The following SCAPER variants were observed in gnomAD, a reference collection of about 807,000 sequenced individuals.
SCAPER encodes S-phase cyclin A associated protein in the ER.
Under a neutral mutation model 182.2 loss-of-function variants are expected in SCAPER, and 98 were observed. The observed-to-expected ratio is 0.54, with a 90% confidence interval of 0.46 to 0.64. The LOEUF (loss-of-function observed/expected upper bound fraction) is 0.64, where lower values mean the gene tolerates loss of function less well. SCAPER is among the 30% of genes least tolerant of loss of function. The pLI, the probability that SCAPER is intolerant of heterozygous loss-of-function variation, is 0.00. For missense variants in SCAPER, 1,432 were observed against 1,690.0 expected (o/e 0.85, Z 2.68); for synonymous variants, 605 against 564.6 (o/e 1.07, Z -1.01).
intron 4 of SCAPER, 132 bp from the exon 5 acceptor site, chr15:76,842,063 T>C (rs1301228787): frequency 2.8e-6 from 2 of 725,280 alleles, no homozygotes; most frequent in Admixed American, 3.0e-5. Flanking sequence ...TGAACATGTA[T>C]GGACTTTTTT....
intron 25 of SCAPER, among the ~76,000 whole-genome samples, chr15:76,457,937 T>A (rs1050860495): frequency 1.1e-4 from 16 of 152,008 alleles, no homozygotes; most frequent in African/African-American, 3.9e-4. Flanking sequence ...CCTTTAGCAT[T>A]TCTAGTAGTG....
At chr15:76,791,353 G>A (rs938551357) in intron 8 of SCAPER, among the ~76,000 whole-genome samples, 9 of 152,116 alleles carry the variant, frequency 5.9e-5, no homozygotes, top group East Asian at 1.9e-4. Flanking sequence ...AAAAGCAGCC[G>A]ATGTGGCAAA....
intron 26 of SCAPER, among the ~76,000 whole-genome samples, chr15:76,414,944 A>G (rs1466146245): frequency 6.6e-6 from 1 of 151,808 alleles, no homozygotes; most frequent in Non-Finnish European, 1.5e-5. Flanking sequence ...TGATTTTGTA[A>G]GCACCTAATT....
At chr15:76,370,291 ATTTTTTTTTT>A (rs10524497) in intron 29 of SCAPER, among the ~76,000 whole-genome samples, 52,068 of 120,432 alleles carry the variant, frequency 0.43, 10,908 homozygotes, top group Middle Eastern at 0.59. Context: ...TACCATTTCA[ATTTTTTTTTT>A]TTTTTTTTTT....
chr15:76,883,652 G>T (rs1330945576), intron 2 of SCAPER, among the ~76,000 whole-genome samples, 160 bp downstream of exon 2: 2 of 152,178 alleles, frequency 1.3e-5, no homozygotes, highest in Non-Finnish European at 2.9e-5. Flanking sequence ...CTCTAAGGTT[G>T]AATAGTACAT....
At chr15:76,513,400 T>TATCCTGTGATA (rs1242501055) in intron 23 of SCAPER, among the ~76,000 whole-genome samples, 4 of 152,198 alleles carry the variant, frequency 2.6e-5, no homozygotes, top group Non-Finnish European at 4.4e-5. Context: ...TTAGAGATGA[T>TATCCTGTGATA]TTCTTCATCT....
intron 24 of SCAPER, among the ~76,000 whole-genome samples, chr15:76,474,637 A>C (rs2050473473): frequency 6.6e-6 from 1 of 152,208 alleles, no homozygotes; most frequent in South Asian, 2.1e-4. Context: ...GATGTAAAGT[A>C]CTTAGGACAG....
At chr15:76,519,744 T>C (rs1286676325) in intron 23 of SCAPER, among the ~76,000 whole-genome samples, 1 of 152,236 alleles carries the variant, frequency 6.6e-6, no homozygotes, top group Non-Finnish European at 1.5e-5. Context: ...CTTGTTTAGA[T>C]GACTGAATAA....
intron 27 of SCAPER, among the ~76,000 whole-genome samples, chr15:76,389,457 C>G (rs1173114803): frequency 4.4e-5 from 5 of 112,944 alleles, no homozygotes; most frequent in African/African-American, 1.7e-4. Flanking sequence ...GCCGAGTTTG[C>G]ATTACTGCAC....
intron 2 of SCAPER, among the ~76,000 whole-genome samples, chr15:76,865,506 C>T (rs557897829): frequency 1.7e-4 from 26 of 152,048 alleles, no homozygotes; most frequent in African/African-American, 4.1e-4. Flanking sequence ...CTTTGAGTTT[C>T]GTCATAAAGG....
chr15:76,461,407 C>T (rs997312327), intron 25 of SCAPER, among the ~76,000 whole-genome samples: 1 of 151,578 alleles, frequency 6.6e-6, no homozygotes, highest in African/African-American at 2.4e-5. Context: ...CTTTCTCATC[C>T]TACATTTGTC....
At chr15:76,517,811 T>C (rs1048028731) in intron 23 of SCAPER, among the ~76,000 whole-genome samples, 6 of 152,182 alleles carry the variant, frequency 3.9e-5, no homozygotes, top group Non-Finnish European at 8.8e-5. Flanking sequence ...ACCACATGCA[T>C]TTAGCTTAAT....
chr15:76,412,194 G>A (rs1346210435), intron 26 of SCAPER, among the ~76,000 whole-genome samples: 6 of 152,086 alleles, frequency 3.9e-5, no homozygotes, highest in Non-Finnish European at 5.9e-5. Flanking sequence ...ATCAACTGAC[G>A]AGAGGTTGCT....
chr15:76,644,117 G>A (rs1567683645), intron 21 of SCAPER, among the ~76,000 whole-genome samples: 1 of 151,996 alleles, frequency 6.6e-6, no homozygotes, highest in Non-Finnish European at 1.5e-5. Flanking sequence ...TGGCCCCAGG[G>A]GTCAGACAGA....
chr15:76,861,361 C>T (rs1471493218), intron 3 of SCAPER, among the ~76,000 whole-genome samples: 1 of 152,208 alleles, frequency 6.6e-6, no homozygotes, highest in Non-Finnish European at 1.5e-5. Flanking sequence ...ACAGTTATCA[C>T]GAACCTCCTC....
At chr15:76,901,661 T>C (rs191111929) in intron 1 of SCAPER, among the ~76,000 whole-genome samples, 1 of 152,356 alleles carries the variant, frequency 6.6e-6, no homozygotes, top group African/African-American at 2.4e-5. Context: ...AGCAAAACTT[T>C]ATGAAATCTT....
At chr15:76,880,774 A>T (rs1381731636) in intron 2 of SCAPER, among the ~76,000 whole-genome samples, 1 of 152,144 alleles carries the variant, frequency 6.6e-6, no homozygotes, top group African/African-American at 2.4e-5. Context: ...GGTTCAAAAA[A>T]GAAAAACACA....
chr15:76,897,130 T>C (rs1056062878), intron 1 of SCAPER, among the ~76,000 whole-genome samples: 1 of 152,034 alleles, frequency 6.6e-6, no homozygotes, highest in African/African-American at 2.4e-5. Flanking sequence ...GTTTTCAAAA[T>C]CAAAGAAAGT....
At chr15:76,360,216 C>T (rs1055645928) in intron 29 of SCAPER, among the ~76,000 whole-genome samples, 2 of 152,182 alleles carry the variant, frequency 1.3e-5, no homozygotes, top group Non-Finnish European at 2.9e-5. Flanking sequence ...CCTTCTAGGA[C>T]AATGCTTTGC....
Sources: gnomAD v4.1 joint callset for allele counts (sites outside exome capture counted in the v4.1 genomes callset) on GRCh38, gnomAD v4.1.1 for gene constraint, MANE v1.5 for transcripts, NCBI Gene and HGNC (gene_info 2026-07-23, HGNC 2026-07-21) for gene names.